Variants in CTNNA3 observed in about 807,000 individuals in gnomAD.
The protein encoded by CTNNA3 is catenin alpha 3.
A neutral mutation model predicts 95.7 loss-of-function variants in CTNNA3; 76 were observed. That is an observed-to-expected ratio of 0.79 (90% CI 0.66 to 0.96). The LOEUF (loss-of-function observed/expected upper bound fraction) is 0.96. CTNNA3 is among the 40% of genes least tolerant of loss of function. The pLI is 0.00. For missense variants in CTNNA3, 1,191 were observed against 1,089.8 expected (o/e 1.09, Z -1.31); for synonymous variants, 431 against 374.4 (o/e 1.15, Z -1.74).
chr10:65,964,817 T>C (rs2077922650), intron 17 of CTNNA3, among the ~76,000 whole-genome samples: 2 of 152,204 alleles, frequency 1.3e-5, no homozygotes, highest in Admixed American at 6.5e-5. Context: ...GAAGACTGGA[T>C]GTTTAATAAG....
intron 9 of CTNNA3, among the ~76,000 whole-genome samples, chr10:66,721,195 G>T (rs1589167654): frequency 1.3e-5 from 2 of 152,144 alleles, no homozygotes; most frequent in African/African-American, 4.8e-5. Context: ...ACCCAAGGGT[G>T]TGGAAGGCAT....
intron 5 of CTNNA3, among the ~76,000 whole-genome samples, chr10:67,518,187 C>G (rs543803431): frequency 6.6e-6 from 1 of 152,088 alleles, no homozygotes; most frequent in Non-Finnish European, 1.5e-5. Context: ...AATCACTGTA[C>G]TACATGGATT....
intron 9 of CTNNA3, among the ~76,000 whole-genome samples, chr10:66,759,140 T>C (rs1839495394): frequency 6.6e-6 from 1 of 152,190 alleles, no homozygotes; most frequent in Admixed American, 6.5e-5. Context: ...ATGTCACCGC[T>C]TGTCAGAGCT....
chr10:66,583,063 C>T (rs1473716440), intron 10 of CTNNA3, among the ~76,000 whole-genome samples: 2 of 151,684 alleles, frequency 1.3e-5, no homozygotes, highest in Non-Finnish European at 3.0e-5. Context: ...AGCATTTTTG[C>T]ATCTATATTC....
At chr10:66,132,239 T>G (rs2083141280) in intron 13 of CTNNA3, among the ~76,000 whole-genome samples, 1 of 152,004 alleles carries the variant, frequency 6.6e-6, no homozygotes, top group African/African-American at 2.4e-5. Context: ...CATTGAAAAG[T>G]GGACATGAAC....
chr10:67,712,557 A>T (rs912024107), intron 1 of CTNNA3, among the ~76,000 whole-genome samples: 3 of 152,226 alleles, frequency 2.0e-5, no homozygotes, highest in Non-Finnish European at 4.4e-5. Flanking sequence ...GGGCCAATAT[A>T]GAGGTCCGGC....
At chr10:67,635,002 T>C (rs1217192147) in intron 2 of CTNNA3, among the ~76,000 whole-genome samples, 1 of 152,024 alleles carries the variant, frequency 6.6e-6, no homozygotes, top group East Asian at 1.9e-4. Context: ...AACAACAGAA[T>C]ATATATTCTT....
intron 7 of CTNNA3, among the ~76,000 whole-genome samples, chr10:66,875,423 A>T (rs576460193): frequency 6.6e-6 from 1 of 152,072 alleles, no homozygotes; most frequent in Admixed American, 6.6e-5. Context: ...GAAGAAAGTA[A>T]ATAGCAGAAA....
chr10:66,583,474 C>A (rs910389932), intron 10 of CTNNA3, among the ~76,000 whole-genome samples: 1 of 151,648 alleles, frequency 6.6e-6, no homozygotes, highest in South Asian at 2.1e-4. Flanking sequence ...GTGCATAGAG[C>A]TCTTCACAGT....
intron 7 of CTNNA3, among the ~76,000 whole-genome samples, chr10:67,109,787 G>A (rs953454041): frequency 9.2e-5 from 14 of 152,184 alleles, no homozygotes; most frequent in Non-Finnish European, 2.1e-4. Context: ...AGCTTGCAGT[G>A]AGCCGAGATC....
At chr10:66,285,910 T>C (rs966779725) in intron 12 of CTNNA3, among the ~76,000 whole-genome samples, 21 of 151,900 alleles carry the variant, frequency 1.4e-4, no homozygotes, top group Non-Finnish European at 2.8e-4. Context: ...TCACTAAACA[T>C]TAAATTTTTT....
intron 7 of CTNNA3, among the ~76,000 whole-genome samples, chr10:67,041,388 A>G (rs1854386679): frequency 6.6e-6 from 1 of 152,154 alleles, no homozygotes. Context: ...GAATGCCAAA[A>G]GTGATCTAAA....
At chr10:66,717,341 A>G (rs1295462034) in intron 9 of CTNNA3, among the ~76,000 whole-genome samples, 5 of 152,172 alleles carry the variant, frequency 3.3e-5, no homozygotes, top group Admixed American at 2.0e-4. Context: ...ATATATATGT[A>G]CTATATACCT....
intron 5 of CTNNA3, among the ~76,000 whole-genome samples, chr10:67,280,320 T>C (rs1301449622): frequency 1.3e-5 from 2 of 150,342 alleles, no homozygotes; most frequent in African/African-American, 4.9e-5. Flanking sequence ...CAGAAAATAG[T>C]GTCTGTCTCT....
intron 7 of CTNNA3, among the ~76,000 whole-genome samples, chr10:66,866,675 C>T (rs981084605): frequency 1.3e-5 from 2 of 152,028 alleles, no homozygotes; most frequent in African/African-American, 2.4e-5. Flanking sequence ...GTAGGAGCCA[C>T]GAGGTATTAT....
At chr10:66,944,560 G>A (rs1239334522) in intron 7 of CTNNA3, among the ~76,000 whole-genome samples, 1 of 152,010 alleles carries the variant, frequency 6.6e-6, no homozygotes, top group Non-Finnish European at 1.5e-5. Context: ...CATTTAGAAT[G>A]GTGACTCTTA....
intron 14 of CTNNA3, among the ~76,000 whole-genome samples, chr10:66,084,181 A>AGAAAAAAG: frequency 6.6e-6 from 1 of 151,304 alleles, no homozygotes; most frequent in Non-Finnish European, 1.5e-5. Context: ...AGAAAAGGAA[A>AGAAAAAAG]GAAAAAAAGA....
At chr10:66,840,408 A>AC (rs1160896711) in intron 7 of CTNNA3, among the ~76,000 whole-genome samples, 18 of 118,734 alleles carry the variant, frequency 1.5e-4, no homozygotes, top group South Asian at 9.0e-4. Context: ...ACACACACAC[A>AC]CACCCCTCGG....
intron 1 of CTNNA3, among the ~76,000 whole-genome samples, chr10:67,657,720 G>A (rs1005686452): frequency 6.6e-5 from 10 of 151,790 alleles, no homozygotes; most frequent in South Asian, 6.3e-4. Context: ...TGTGGTGGGC[G>A]CCTGTAATCC....
Sources: allele counts gnomAD v4.1 joint callset (sites outside exome capture counted in the v4.1 genomes callset), GRCh38; gene constraint gnomAD v4.1.1; transcripts MANE v1.5; gene names NCBI Gene and HGNC (gene_info 2026-07-23, HGNC 2026-07-21).